Variants in DHRS3 observed in about 807,000 individuals in gnomAD.
The protein encoded by DHRS3 is short-chain dehydrogenase/reductase 3.
Under a neutral mutation model 27.2 loss-of-function variants are expected in DHRS3, and 14 were observed. The ratio of observed to expected loss-of-function variants is 0.52; its 90% CI spans 0.34 to 0.81. The LOEUF is 0.81. Ranked by LOEUF, DHRS3 falls within the 30% of genes least tolerant of loss-of-function variation. The probability of loss-of-function intolerance (pLI) is 0.01; values close to 1 mark genes in which losing one functional copy is unlikely to be tolerated. For missense variants in DHRS3, 322 were observed against 406.2 expected, an observed-to-expected ratio of 0.79 and a Z score of 1.78; for synonymous variants, 165 against 175.9, an observed-to-expected ratio of 0.94 and a Z score of 0.49.
At chr1:12,599,538 C>A (rs1646821579) in intron 1 of DHRS3, among the ~76,000 whole-genome samples, 2 of 152,218 alleles carry the variant, frequency 1.3e-5, no homozygotes, top group Non-Finnish European at 2.9e-5. Context: ...CCAATCATGT[C>A]CAGACTTCAC....
intron 3 of DHRS3, 95 bp downstream of exon 3, chr1:12,579,198 C>T (rs61776831): frequency 0.19 from 298,380 of 1,596,992 alleles, 30,742 homozygotes; most frequent in Non-Finnish European, 0.21. Flanking sequence ...TCCCTGCTGG[C>T]CTGAGCCCAA....
intron 1 of DHRS3, among the ~76,000 whole-genome samples, chr1:12,584,477 C>A (rs1046789966): frequency 8.6e-5 from 13 of 151,972 alleles, no homozygotes; most frequent in Non-Finnish European, 1.8e-4. Flanking sequence ...GCCTTTCTGC[C>A]TCCTCACCCC....
At chr1:12,596,621 G>C (rs145681075) in intron 1 of DHRS3, among the ~76,000 whole-genome samples, 95 of 152,202 alleles carry the variant, frequency 6.2e-4, no homozygotes, top group African/African-American at 2.2e-3. Flanking sequence ...ACTGCCCTTT[G>C]GAATGAAAAG....
intron 5 of DHRS3, among the ~76,000 whole-genome samples, chr1:12,570,763 G>A (rs368450569): frequency 6.6e-6 from 1 of 152,168 alleles, no homozygotes; most frequent in Non-Finnish European, 1.5e-5. Context: ...ATCAACTAGG[G>A]GCTCCTAGAG....
intron 2 of DHRS3, chr1:12,580,099 A>G (rs3128458): frequency 0.2 from 59,018 of 288,762 alleles, 6,709 homozygotes; most frequent in Admixed American, 0.31. Context: ...CCTGGCACAC[A>G]GCATATTTAT....
rs944608589 is a variant in DHRS3 at position 12,594,044 on chromosome 1, G to C, written c.196-13378C>G. 6.6e-6 allele frequency among the ~76,000 whole-genome samples: 1 copy of C among 152,172 alleles called. No individual in the cohort carries two copies. Among genetic ancestry groups the C allele is most frequent in the Non-Finnish European group, 1.5e-5 (1 of 68,044 alleles). On this transcript the variant is annotated intron_variant, in intron 1 of 5. Transcript: ENST00000616661. This position sits in a 1 kb window ranked among gnomAD's most constrained non-coding sequence, Gnocchi z 4.1. ...CAACCTTTGCCCTTTTCCCCCACTG[G>C]ACCTCTTGCTGGAAAGTGCTGGGTG... is the stretch of plus-strand genomic sequence containing the variant.
Position 12,574,585 on chromosome 1 carries a change from G to A in DHRS3, c.699-1732C>T, listed in dbSNP as rs1050473078. Among the ~76,000 whole-genome samples, 1 of 152,176 alleles carries A rather than the reference G, an allele frequency of 6.6e-6. No homozygotes were observed. The highest frequency in any genetic ancestry group is 1.5e-5 in the Non-Finnish European group (1 of 68,032). Reference sequence around the variant, plus strand: ...CTGATACTGGAGTCCTACAGGTGTCGTGGGCGGTCTGGATTCTCTGGCTTC... The same window carrying A: ...CTGATACTGGAGTCCTACAGGTGTCATGGGCGGTCTGGATTCTCTGGCTTC... On this transcript the variant is annotated intron_variant, in intron 4 of 5. Transcript: ENST00000616661. The surrounding 1 kb of genome is among the most constrained non-coding windows in gnomAD (Gnocchi z 4.6).
intron 5 of DHRS3, among the ~76,000 whole-genome samples, chr1:12,569,817 C>T (rs1372014934): frequency 2.6e-5 from 4 of 152,240 alleles, no homozygotes; most frequent in South Asian, 2.1e-4. Flanking sequence ...CTGCCTGCCT[C>T]GGCCTTCCAA....
chr1:12,604,494 C>T (rs1396097287), intron 1 of DHRS3, among the ~76,000 whole-genome samples: 2 of 152,160 alleles, frequency 1.3e-5, no homozygotes, highest in Non-Finnish European at 2.9e-5. Context: ...TGTGTAAAAG[C>T]GGATTTCACT....
At chr1:12,609,442 C>T (rs1333818769) in intron 1 of DHRS3, among the ~76,000 whole-genome samples, 1 of 152,170 alleles carries the variant, frequency 6.6e-6, no homozygotes, top group African/African-American at 2.4e-5. Context: ...CCAACAGTGG[C>T]ACCCCGGACT....
Position 12,578,042 on chromosome 1 carries a change from C to G in DHRS3, c.698+676G>C, listed in dbSNP as rs1646606101. 6.6e-6 allele frequency among the ~76,000 whole-genome samples: 1 copy of G among 152,174 alleles called. No individual in the cohort carries two copies. The highest frequency in any genetic ancestry group is 1.5e-5 in the Non-Finnish European group (1 of 68,026). ...AAGCCACGGGTCTGATTTCCATCACCCTAACCCAGTTTTGCCTGTTTTGGA... is the reference window on the plus strand; with the variant it reads ...AAGCCACGGGTCTGATTTCCATCACGCTAACCCAGTTTTGCCTGTTTTGGA... On this transcript the variant is annotated intron_variant, in intron 4 of 5. Transcript: ENST00000616661. The surrounding 1 kb of genome is among the most constrained non-coding windows in gnomAD (Gnocchi z 4.5).
intron 1 of DHRS3, among the ~76,000 whole-genome samples, chr1:12,607,762 T>C (rs1646880661): frequency 1.3e-5 from 2 of 152,340 alleles, no homozygotes; most frequent in East Asian, 1.9e-4. Flanking sequence ...AGGGATGGAC[T>C]AGATGGCTGG....
chr1:12,606,551 G>T (rs56296852), intron 1 of DHRS3, among the ~76,000 whole-genome samples: 1 of 151,938 alleles, frequency 6.6e-6, no homozygotes, highest in Non-Finnish European at 1.5e-5. Flanking sequence ...GTGCAATGAC[G>T]TGATCTTGGC....
intron 1 of DHRS3, among the ~76,000 whole-genome samples, chr1:12,602,272 T>G (rs539810474): frequency 2.6e-4 from 40 of 152,310 alleles, no homozygotes; most frequent in Admixed American, 2.5e-3. Context: ...GCCCCTGGGT[T>G]GCAGAAAGGC....
chr1:12,616,540 C>CTTTA, intron 1 of DHRS3: 1 of 985,778 alleles, frequency 1.0e-6, no homozygotes, highest in Non-Finnish European at 1.2e-6. Flanking sequence ...AACAAGGGCT[C>CTTTA]TTTATCAGTA....
At chr1:12,611,525 T>G (rs1336871120) in intron 1 of DHRS3, among the ~76,000 whole-genome samples, 5 of 152,174 alleles carry the variant, frequency 3.3e-5, no homozygotes, top group African/African-American at 1.2e-4. Flanking sequence ...ACAGCACATC[T>G]TCCAACTCTG....
At chr1:12,606,485 T>A (rs1646872325) in intron 1 of DHRS3, among the ~76,000 whole-genome samples, 1 of 151,994 alleles carries the variant, frequency 6.6e-6, no homozygotes, top group South Asian at 2.1e-4. Context: ...TATTTTATTT[T>A]ATTTTATTTA....
chr1:12,576,386 C>A (rs557031860), intron 4 of DHRS3, among the ~76,000 whole-genome samples: 101 of 151,982 alleles, frequency 6.6e-4, no homozygotes, highest in Admixed American at 1.7e-3. Flanking sequence ...CACGGTGAAA[C>A]CCTGTCTCTA....
rs1218571793 is a variant in DHRS3, at chr1:12,590,459, C to T, written c.196-9793G>A. On this transcript the variant is annotated intron_variant, in intron 1 of 5. Transcript: ENST00000616661. ...CCGAGTAGCTGGGATTACAGGCATG[C>T]GCCACCACGCCCGGCTAATTTTGTA... is the stretch of plus-strand genomic sequence containing the variant. Among the ~76,000 whole-genome samples, 11 of 152,036 alleles carry T rather than the reference C, an allele frequency of 7.2e-5. No individual in the cohort carries two copies. In the East Asian group the frequency reaches 1.2e-3, roughly 16 times the overall value.
Sources: allele counts gnomAD v4.1 joint callset (sites outside exome capture counted in the v4.1 genomes callset), GRCh38; gene constraint gnomAD v4.1.1; non-coding constraint Gnocchi (gnomAD v3.1); transcripts MANE v1.5; gene names NCBI Gene and HGNC (gene_info 2026-07-23, HGNC 2026-07-21).